ZNF347: variants seen among roughly 807,000 people sequenced by gnomAD.
ZNF347 encodes zinc finger protein 347, also known as CTD-2620I22.7.
ZNF347 carries 19 observed loss-of-function variants against 12.9 expected under a neutral mutation model. That is an observed-to-expected ratio of 1.47 (90% CI 1.03 to 2.16). The LOEUF (loss-of-function observed/expected upper bound fraction) is 2.16, where lower values mean the gene tolerates loss of function less well. Ranked by LOEUF, ZNF347 falls within the 30% of genes most tolerant of loss-of-function variation. The pLI is 0.00. For synonymous variants in ZNF347, 328 were observed against 340.6 expected (o/e 0.96, Z 0.41); for missense variants, 1,005 against 990.6 (o/e 1.01, Z -0.19).
At position 53,138,708 on chromosome 19, in the gene ZNF347, A is replaced by G. The variant is rs989981546; in HGVS notation, c.*1600T>C. ...AAAAAAAATTGTTCTACATCCTCCA[A>G]CCTAAAAGACTGAGTGTATTGTTAT... On this transcript the variant is annotated 3_prime_UTR_variant, in exon 5 of 5. Coordinates refer to ENST00000334197, the MANE Select transcript of ZNF347 (RefSeq NM_032584.3). 6.6e-6 allele frequency: 1 copy of G among 152,068 alleles called. No individual in the cohort carries two copies. The highest frequency in any genetic ancestry group is 2.1e-4 in the South Asian group (1 of 4,834). 9.4% of individuals were successfully genotyped at this position (152,068 alleles called of 1,614,324 possible).
At chr19:53,151,500 T>C (rs1253491976) in intron 2 of ZNF347, among the ~76,000 whole-genome samples, 2 of 135,514 alleles carry the variant, frequency 1.5e-5, no homozygotes. Flanking sequence ...ACTGTGCCAC[T>C]GCACTCCAGC....
chr19:53,156,459 A>C (rs1402101584), intron 1 of ZNF347, among the ~76,000 whole-genome samples: 4 of 151,716 alleles, frequency 2.6e-5, no homozygotes, highest in Non-Finnish European at 5.9e-5. Context: ...AGCTCAGTCT[A>C]AAACTGCCCC....
chr19:53,154,521 G>A (rs1471563164), intron 1 of ZNF347, among the ~76,000 whole-genome samples: 1 of 152,008 alleles, frequency 6.6e-6, no homozygotes, highest in Non-Finnish European at 1.5e-5. Context: ...GTGGCTGGAG[G>A]ACTAAGCCCA....
rs1185120163 is a variant in ZNF347, at chr19:53,148,817, T to A, written c.143-8A>T. Reference sequence around the variant, plus strand: ...GGTCAAAACAAGAGATTCCTGCTTATGAAAAGAAAGGAAAACAATGGGCTG... The same window carrying A: ...GGTCAAAACAAGAGATTCCTGCTTAAGAAAAGAAAGGAAAACAATGGGCTG... On this transcript the variant is annotated splice_region_variant and splice_polypyrimidine_tract_variant and intron_variant, in intron 3 of 4. Coordinates refer to ENST00000334197, the MANE Select transcript of ZNF347 (RefSeq NM_032584.3). 6.2e-7 allele frequency: 1 copy of A among 1,612,104 alleles called. No homozygotes were observed. The highest frequency in any genetic ancestry group is 1.1e-5 in the South Asian group (1 of 90,780).
rs2146796772 is a variant in ZNF347 at position 53,140,383 on chromosome 19, C to T, written c.2445G>A (p.Gly815=). Residue 815 remains glycine, a synonymous_variant, in exon 5 of 5, where the codon GGG becomes GGA. Coordinates refer to ENST00000334197, the MANE Select transcript of ZNF347 (RefSeq NM_032584.3). The part of the protein sequence containing the change: ...LTTHQTIHTG[G]KPYKCNVWKV... ...TCCACACGTTACATTTGTAAGGTTT[C>T]CCACCAGTATGGATTGTCTGATGGG... The T allele has an allele frequency of 6.2e-7, 1 of 1,608,190 alleles. No homozygotes were observed. The highest frequency in any genetic ancestry group is 8.5e-7 in the Non-Finnish European group (1 of 1,177,680).
intron 2 of ZNF347, among the ~76,000 whole-genome samples, 175 bp downstream of exon 2, chr19:53,153,558 G>C (rs2146813138): frequency 6.6e-6 from 1 of 152,292 alleles, no homozygotes; most frequent in African/African-American, 2.4e-5. Flanking sequence ...TCATGTCACT[G>C]GGTCACGAGA....
intron 1 of ZNF347, among the ~76,000 whole-genome samples, chr19:53,155,294 C>CTGTGTGTGTGTGTGTGTGTG (rs61275588): frequency 1.4e-5 from 2 of 141,818 alleles, no homozygotes; most frequent in South Asian, 2.4e-4. Flanking sequence ...AGACTTTATT[C>CTGTGTGTGTGTGTGTGTGTG]TGTGTGTGTG....
chr19:53,149,779 C>T (rs2090486246), intron 2 of ZNF347, among the ~76,000 whole-genome samples: 1 of 151,986 alleles, frequency 6.6e-6, no homozygotes, highest in African/African-American at 2.4e-5. Context: ...CATAATAACC[C>T]GAAAGGACAG....
chr19:53,141,125 G>A lies in ZNF347; in HGVS notation c.1703C>T (p.Pro568Leu), dbSNP rs1202440593. 33 of 1,613,968 alleles carry A rather than the reference G, an allele frequency of 2.0e-5. No individual in the cohort carries two copies. The highest frequency in any genetic ancestry group is 2.6e-5 in the Non-Finnish European group (31 of 1,180,012). ...THQVIHTGEK[P>L]YKCNECGKVF... ...CTTGCCACACTCATTACATTTGTAA[G>A]GTTTTTCTCCAGTATGGATGACCTG... Residue 568 changes from proline to leucine, a missense_variant, in exon 5 of 5, where the codon CCT (proline) becomes CTT (leucine). Pro to Leu is a moderately conservative substitution (Grantham distance 98). Coordinates refer to ENST00000334197, the MANE Select transcript of ZNF347 (RefSeq NM_032584.3).
At chr19:53,144,114 A>G (rs1311673405) in intron 4 of ZNF347, among the ~76,000 whole-genome samples, 1 of 151,584 alleles carries the variant, frequency 6.6e-6, no homozygotes. Flanking sequence ...CTCTGGTAGT[A>G]TAAGTCCTTA....
chr19:53,156,053 G>T (rs1407165485), intron 1 of ZNF347, among the ~76,000 whole-genome samples: 2 of 137,666 alleles, frequency 1.5e-5, no homozygotes, highest in Admixed American at 7.2e-5. Context: ...CTCGGGGGGG[G>T]GGGGGGGTTA....
At chr19:53,150,083 C>T (rs2090487959) in intron 2 of ZNF347, among the ~76,000 whole-genome samples, 1 of 152,192 alleles carries the variant, frequency 6.6e-6, no homozygotes, top group African/African-American at 2.4e-5. Context: ...CATGGGAATT[C>T]ATGATGTATA....
chr19:53,146,451 TATTTTTA>T (rs1193339424), intron 4 of ZNF347, among the ~76,000 whole-genome samples: 2 of 152,110 alleles, frequency 1.3e-5, no homozygotes, highest in Admixed American at 1.3e-4. Context: ...ATTTTCGTTT[TATTTTTA>T]GAGATGGGGT....
At chr19:53,152,866 C>T (rs942985691) in intron 2 of ZNF347, among the ~76,000 whole-genome samples, 2 of 151,622 alleles carry the variant, frequency 1.3e-5, no homozygotes, top group Non-Finnish European at 2.9e-5. Flanking sequence ...GGAGGCGGAG[C>T]TTGCATTGGG....
rs1486002674 is a variant in ZNF347, at chr19:53,138,290, A to AT, written c.*2017dup. ...GCCACCCTGCCTGGGTAATATTTCTATTTTTTTTGTAGAGACAGGGTTTTG... is the reference window on the plus strand; with the variant it reads ...GCCACCCTGCCTGGGTAATATTTCTATTTTTTTTTGTAGAGACAGGGTTTTG... On this transcript the variant is annotated 3_prime_UTR_variant, in exon 5 of 5. Coordinates refer to ENST00000334197, the MANE Select transcript of ZNF347 (RefSeq NM_032584.3). 2.1e-4 allele frequency: 32 copies of AT among 150,868 alleles called. No individual in the cohort carries two copies. The highest frequency in any genetic ancestry group is 9.3e-4 in the Admixed American group (14 of 15,112). 9.3% of individuals were successfully genotyped at this position (150,868 alleles called of 1,614,324 possible).
In ZNF347 at chr19:53,141,986, C is replaced by T. The variant is rs2090431733; in HGVS notation, c.842G>A (p.Arg281Lys). ...PQNSHLASHQ[R>K]SHTKEKPYKC... ...GTAAGGTTTCTCTTTAGTATGACTTCTCTGATGACTTGCAAGGTGTGAATT... is the reference window on the plus strand; with the variant it reads ...GTAAGGTTTCTCTTTAGTATGACTTTTCTGATGACTTGCAAGGTGTGAATT... Residue 281 changes from arginine (R) to lysine (K), a missense_variant, in exon 5 of 5, where the codon AGA becomes AAA. By Grantham distance (26) the Arg-to-Lys change is conservative (BLOSUM62 2). Coordinates refer to ENST00000334197, the MANE Select transcript of ZNF347 (RefSeq NM_032584.3). 2 of 1,614,116 alleles carry T rather than the reference C, an allele frequency of 1.2e-6. No homozygotes were observed. Among genetic ancestry groups the T allele is most frequent in the Non-Finnish European group, 1.7e-6 (2 of 1,180,026 alleles).
rs1391357058 is a variant in ZNF347 at position 53,142,428 on chromosome 19, C to T, written c.400G>A (p.Val134Ile). ...QDIEGCSFRE[V>I]QKNTHGLEYQ... ...TCAAGGCCATGTGTATTTTTCTGGA[C>T]TTCCCTGAAGGAACATCCTTCAATG... Residue 134 changes from valine to isoleucine, a missense_variant, in exon 5 of 5, where the codon GTC becomes ATC. Transcript: ENST00000334197. The T allele has an allele frequency of 6.2e-7, 1 of 1,613,968 alleles. No homozygotes were observed. Among genetic ancestry groups the T allele is most frequent in the East Asian group, 2.2e-5 (1 of 44,880 alleles).
Position 53,141,668 on chromosome 19 carries a change from C to T in ZNF347, c.1160G>A (p.Ser387Asn). 4 of 1,612,488 alleles carry T rather than the reference C, an allele frequency of 2.5e-6. No homozygotes were observed. The highest frequency in any genetic ancestry group is 8.5e-7 in the Non-Finnish European group (1 of 1,179,616). The stretch of plus-strand genomic sequence containing the variant: ...GTGGGTTGCCTGATGGATAGCTAAG[C>T]TTGAACGAGCTCTAAAGGCTTTCCC... Reference protein sequence around the residue: ...ECGKAFRARSSLAIHQATHSG... With the variant: ...ECGKAFRARSNLAIHQATHSG... Residue 387 changes from serine to asparagine, a missense_variant, in exon 5 of 5, where the codon AGC becomes AAC. Coordinates refer to ENST00000334197, the MANE Select transcript of ZNF347 (RefSeq NM_032584.3).
At chr19:53,149,713 C>T (rs1386638161) in intron 2 of ZNF347, among the ~76,000 whole-genome samples, 1 of 152,068 alleles carries the variant, frequency 6.6e-6, no homozygotes, top group Non-Finnish European at 1.5e-5. Context: ...GCTGAAGGCT[C>T]GGCTGATCAC....
Sources: allele counts gnomAD v4.1 joint callset (sites outside exome capture counted in the v4.1 genomes callset), GRCh38; gene constraint gnomAD v4.1.1; transcripts MANE v1.5; gene names NCBI Gene and HGNC (gene_info 2026-07-23, HGNC 2026-07-21).